BRD1: variants seen among roughly 807,000 people sequenced by gnomAD.
BRD1 encodes the protein bromodomain-containing protein 1.
In BRD1, 24 loss-of-function variants were observed where a neutral mutation model predicts 107.7. That is an observed-to-expected ratio of 0.22 (90% confidence interval 0.16 to 0.31). The LOEUF (loss-of-function observed/expected upper bound fraction) is 0.31. Ranked by LOEUF, BRD1 falls within the 10% of genes least tolerant of loss-of-function variation. The pLI is 1.00. For synonymous variants in BRD1, 744 were observed against 686.1 expected, an observed-to-expected ratio of 1.08 and a Z score of -1.32; for missense variants, 1,279 against 1,638.6, an observed-to-expected ratio of 0.78 and a Z score of 3.79.
chr22:49,811,840 G>C (rs892323474), intron 2 of BRD1, among the ~76,000 whole-genome samples: 1 of 152,204 alleles, frequency 6.6e-6, no homozygotes, highest in South Asian at 2.1e-4. Flanking sequence ...TTCAGCCGGC[G>C]GTGCTGAGTC....
intron 2 of BRD1, among the ~76,000 whole-genome samples, chr22:49,809,271 GT>G (rs2059804658): frequency 6.6e-6 from 1 of 152,108 alleles, no homozygotes; most frequent in Admixed American, 6.6e-5. Context: ...GCCAGGTGCA[GT>G]GGCTCACGCC....
chr22:49,822,592 C>G (rs985199238), intron 2 of BRD1, among the ~76,000 whole-genome samples: 1 of 152,044 alleles, frequency 6.6e-6, no homozygotes, highest in Non-Finnish European at 1.5e-5. Flanking sequence ...CGCCTGCAGT[C>G]CCAGCTACTC....
chr22:49,777,456 A>G (rs2059123206), intron 9 of BRD1, among the ~76,000 whole-genome samples: 1 of 152,194 alleles, frequency 6.6e-6, no homozygotes, highest in African/African-American at 2.4e-5. Flanking sequence ...TTGTGTTCCT[A>G]TTTCACGCAG....
chr22:49,788,644 T>C (rs1005225298), intron 7 of BRD1, among the ~76,000 whole-genome samples: 5 of 152,162 alleles, frequency 3.3e-5, no homozygotes, highest in Non-Finnish European at 7.4e-5. Flanking sequence ...GGCTGGTCTG[T>C]GGGGCTCTGT....
In BRD1 at chr22:49,781,905, G is replaced by A. The variant is rs578094470; in HGVS notation, c.2858-4092C>T. ...GCTCCGTGACAATGCAGCCGGGGACGGTCAGAGACCGACCCAAGGCCCATG... is the reference window on the plus strand; with the variant it reads ...GCTCCGTGACAATGCAGCCGGGGACAGTCAGAGACCGACCCAAGGCCCATG... On this transcript the variant is annotated intron_variant, in intron 8 of 12. Coordinates refer to ENST00000404760, the MANE Select transcript of BRD1 (RefSeq NM_001304808.3). Among the ~76,000 whole-genome samples, 12 of 152,220 alleles carry A rather than the reference G, an allele frequency of 7.9e-5. No homozygotes were observed. In the South Asian group the frequency reaches 8.3e-4, roughly 11 times the overall value.
intron 6 of BRD1, among the ~76,000 whole-genome samples, chr22:49,797,112 G>A (rs183537478): frequency 1.3e-5 from 2 of 152,298 alleles, no homozygotes; most frequent in East Asian, 1.9e-4. Context: ...CCAGAGGTGC[G>A]ACTAACAAGC....
At chr22:49,790,349 T>C (rs1475856604) in intron 7 of BRD1, among the ~76,000 whole-genome samples, 2 of 152,158 alleles carry the variant, frequency 1.3e-5, no homozygotes, top group East Asian at 1.9e-4. Context: ...GGAAGACTCC[T>C]CTCAAAGCTC....
intron 6 of BRD1, among the ~76,000 whole-genome samples, chr22:49,794,607 A>G (rs1281943195): frequency 6.6e-6 from 1 of 152,256 alleles, no homozygotes; most frequent in Non-Finnish European, 1.5e-5. Context: ...GCCTGTGCAG[A>G]CAGCCTGGCT....
intron 2 of BRD1, 142 bp downstream of exon 2, chr22:49,822,809 C>G: frequency 1.0e-6 from 1 of 957,136 alleles, no homozygotes; most frequent in Non-Finnish European, 1.5e-6. Flanking sequence ...ACAAGCAGAA[C>G]CACACTTCAG....
At chr22:49,818,497 T>C (rs918117143) in intron 2 of BRD1, 4 of 543,754 alleles carry the variant, frequency 7.4e-6, no homozygotes, top group East Asian at 1.1e-4. Flanking sequence ...TGAACTCTCA[T>C]GTGAATGAGT....
chr22:49,827,865 A>G lies in BRD1; in HGVS notation c.-383T>C, dbSNP rs1024836885. On this transcript the variant is annotated 5_prime_UTR_variant, in exon 1 of 13. Coordinates refer to ENST00000404760, the MANE Select transcript of BRD1 (RefSeq NM_001304808.3). ...TCGCTCGCTCGCTCCCCAGCGAAGC[A>G]AACAATGCGGCGAGCGCTCCGCCCG... Among the ~76,000 whole-genome samples the G allele has an allele frequency of 7.0e-6, 1 of 143,684 alleles. No homozygotes were observed. Among genetic ancestry groups the G allele is most frequent in the African/African-American group, 2.5e-5 (1 of 40,044 alleles). 94.3% of individuals were successfully genotyped at this position (143,684 alleles called of 152,430 possible).
intron 1 of BRD1, chr22:49,826,264 C>A: frequency 1.0e-6 from 1 of 985,410 alleles, no homozygotes; most frequent in Non-Finnish European, 1.2e-6. Context: ...AGCTCTTCAT[C>A]GCAACACTTT....
In BRD1 at chr22:49,824,366, C is replaced by T. The variant is rs749784111; in HGVS notation, c.-14-35G>A. 8.8e-6 allele frequency: 14 copies of T among 1,597,644 alleles called. No homozygotes were observed. Among genetic ancestry groups the T allele is most frequent in the Non-Finnish European group, 1.1e-5 (13 of 1,171,430 alleles). Reference sequence around the variant, plus strand: ...AGGCAAAAGTAAAGGTAATTCTACGCAGGGTGACCAAAGACTCGAGAAAAC... The same window carrying T: ...AGGCAAAAGTAAAGGTAATTCTACGTAGGGTGACCAAAGACTCGAGAAAAC... On this transcript the variant is annotated intron_variant, in intron 1 of 12. Transcript: ENST00000404760. The surrounding 1 kb of genome is among the most constrained non-coding windows in gnomAD (Gnocchi z 5.9).
chr22:49,826,198 A>G, intron 1 of BRD1: 2 of 985,450 alleles, frequency 2.0e-6, no homozygotes, highest in Non-Finnish European at 2.4e-6. Context: ...CAAAGTCCTG[A>G]GTCGCCCTAA....
rs148324843 is a variant in BRD1 at position 49,777,026 on chromosome 22, C to T, written c.3121+8G>A. 17,654 of 1,612,864 alleles carry T rather than the reference C, an allele frequency of 0.011. 182 individuals carry two copies. The highest frequency in any genetic ancestry group is 0.041 in the South Asian group (3,701 of 91,076). On this transcript the variant is annotated splice_region_variant and intron_variant, in intron 10 of 12. Transcript: ENST00000404760. ...GGAGAGCCATGGAGGCAGGTCCGGG[C>T]GACTCACCGGCTGCGATCCTGGCCG...
In BRD1 at chr22:49,799,122, G is replaced by A. The variant is rs1291833790; in HGVS notation, c.1525-3C>T. The A allele has an allele frequency of 8.1e-6, 13 of 1,605,080 alleles. No homozygotes were observed. The Admixed American group carries it at 1.5e-4, about 19-fold the overall frequency. On this transcript the variant is annotated splice_polypyrimidine_tract_variant and splice_region_variant and intron_variant, in intron 3 of 12. Transcript: ENST00000404760. ...TTCATCTCCTCATCATTTTCTCTCT[G>A]AGAACAGTGAACACTTCCGTCAGTC...
Position 49,797,871 on chromosome 22 carries a change from C to T in BRD1, c.2032G>A (p.Ala678Thr). Residue 678 changes from alanine (A) to threonine (T), a missense_variant, in exon 6 of 13, where the codon GCC becomes ACC. Physicochemically the swap from Ala to Thr is moderately conservative, Grantham distance 58. Coordinates refer to ENST00000404760, the MANE Select transcript of BRD1 (RefSeq NM_001304808.3). The part of the protein sequence containing the change: ...REVDSIGLEE[A>T]SGMHLPERPA... The stretch of plus-strand genomic sequence containing the variant: ...CGCTCAGGCAGGTGCATCCCCGAGG[C>T]CTCTTCCAAGCCGATGCTGTCCACC... 6.2e-7 allele frequency: 1 copy of T among 1,613,490 alleles called. No homozygotes were observed.
intron 6 of BRD1, among the ~76,000 whole-genome samples, chr22:49,797,350 A>C (rs1352530362): frequency 6.6e-6 from 1 of 152,192 alleles, no homozygotes; most frequent in East Asian, 1.9e-4. Flanking sequence ...CACCCTCAGA[A>C]GTTAGCCGAG....
rs1331852510 is a variant in BRD1, at chr22:49,775,611, A to G, written c.3366T>C (p.Phe1122=). The change falls in exon 12 of 13, where the codon TTT becomes TTC. Residue 1122 remains phenylalanine, a synonymous_variant. Transcript: ENST00000404760. ...CTCACCAACTTCTCTTATTATCAAA[A>G]AAGAGAACGAGGAACAGCTTCTCAT... ...KSDEKLFLVL[F]FDNKRSWQWL... is the part of the protein sequence containing the mutation. 2 of 1,610,270 alleles carry G rather than the reference A, an allele frequency of 1.2e-6. No individual in the cohort carries two copies. Among genetic ancestry groups the G allele is most frequent in the South Asian group, 2.2e-5 (2 of 90,212 alleles).
Sources: gnomAD v4.1 joint callset for allele counts (sites outside exome capture counted in the v4.1 genomes callset) on GRCh38, gnomAD v4.1.1 for gene constraint, Gnocchi (gnomAD v3.1) non-coding constraint, MANE v1.5 for transcripts, NCBI Gene and HGNC (gene_info 2026-07-23, HGNC 2026-07-21) for gene names.